Variants in MEG3 observed in about 807,000 individuals in gnomAD.
MEG3 encodes the protein Very putative protein from MEG3 locus.
Position 100,839,332 on chromosome 14 carries a change from G to C in MEG3, n.3045+3032G>C, listed in dbSNP as rs569920249. Among the ~76,000 whole-genome samples, 364 of 152,312 alleles carry C rather than the reference G, an allele frequency of 2.4e-3. 2 individuals are homozygous for C. Among genetic ancestry groups the C allele is most frequent in the South Asian group, 8.3e-3 (40 of 4,826 alleles). The stretch of plus-strand genomic sequence containing the variant: ...GAGTTGTGAAGTGTCCCAAGGACTG[G>C]TTCCCCCTCCCTGCTGTTTCTCTGA... On this transcript the variant is annotated intron_variant and non_coding_transcript_variant, in intron 2 of 3. Coordinates refer to the MEG3 transcript ENST00000398461.
chr14:100,835,999 C>G, intron 1 of MEG3: 1 of 344,294 alleles, frequency 2.9e-6, no homozygotes, highest in Non-Finnish European at 5.6e-6. Context: ...TAACCCAGCC[C>G]GTTGCTGCTT....
At position 100,837,706 on chromosome 14, in the gene MEG3, C is replaced by T. The variant is rs1187599707; in HGVS notation, n.3045+1406C>T. ...GAGTGTCTCTGGTTTCCGACGCAGC[C>T]TCGTAATGCTCTTTAATCAAACAGA... is the stretch of plus-strand genomic sequence containing the variant. On this transcript the variant is annotated intron_variant and non_coding_transcript_variant, in intron 2 of 3. Transcript: ENST00000398461. The surrounding 1 kb of genome is among the most constrained non-coding windows in gnomAD (Gnocchi z 5.8). 6.6e-6 allele frequency among the ~76,000 whole-genome samples: 1 copy of T among 150,608 alleles called. No homozygotes were observed. Among genetic ancestry groups the T allele is most frequent in the Non-Finnish European group, 1.5e-5 (1 of 67,864 alleles).
At chr14:100,860,440 G>T in intron 1 of MEG3, 1 of 356,516 alleles carries the variant, frequency 2.8e-6, no homozygotes, top group South Asian at 2.1e-5. Flanking sequence ...CTAGAGTGAT[G>T]CTTCCAGAAG....
exon 2 of MEG3, chr14:100,860,853 G>A: frequency 2.7e-6 from 1 of 365,720 alleles, no homozygotes; most frequent in Non-Finnish European, 5.4e-6. Context: ...CCACCCCGCA[G>A]GAACCCTGAG....
intron 2 of MEG3, among the ~76,000 whole-genome samples, chr14:100,843,693 G>A (rs2037826319): frequency 6.6e-6 from 1 of 152,138 alleles, no homozygotes; most frequent in Non-Finnish European, 1.5e-5. Context: ...GAATAGAGAG[G>A]CAGAGGCAGC....
At chr14:100,836,579 C>T (rs554126090) in intron 2 of MEG3, among the ~76,000 whole-genome samples, 5 of 152,086 alleles carry the variant, frequency 3.3e-5, no homozygotes, top group African/African-American at 7.2e-5. Flanking sequence ...TCTAGACCCC[C>T]GAGAGCGGCT....
At chr14:100,854,962 G>C (rs963127554), upstream of MEG3, 1 of 152,644 alleles carries the variant, frequency 6.6e-6, no homozygotes. Context: ...CTAAGGAGCG[G>C]AATAAAGGGC....
chr14:100,840,697 G>T (rs1388197061), intron 2 of MEG3, among the ~76,000 whole-genome samples: 4 of 152,208 alleles, frequency 2.6e-5, no homozygotes, highest in Non-Finnish European at 4.4e-5. Context: ...TCTAGGGCTT[G>T]ATTTTGAAAG....
At chr14:100,844,319 C>T (rs558909844) in intron 2 of MEG3, among the ~76,000 whole-genome samples, 64 of 152,334 alleles carry the variant, frequency 4.2e-4, no homozygotes, top group African/African-American at 1.2e-3. Context: ...GCCCTGTCCT[C>T]CTGGCCCAGC....
At chr14:100,847,671 G>A (rs527628042) in intron 3 of MEG3, 1 of 152,328 alleles carries the variant, frequency 6.6e-6, no homozygotes, top group African/African-American at 2.4e-5. Context: ...AGGATGAGGT[G>A]AATGAGAAGA....
chr14:100,830,048 C>T (rs1380660887), downstream of MEG3: 2 of 152,184 alleles, frequency 1.3e-5, no homozygotes, highest in East Asian at 3.8e-4. Flanking sequence ...AGTATTTGGT[C>T]ACATTGCTGG....
exon 2 of MEG3, chr14:100,860,995 C>T (rs2038389776): frequency 3.8e-6 from 1 of 260,466 alleles, no homozygotes; most frequent in African/African-American, 2.3e-5. Flanking sequence ...CCACTGTGCT[C>T]TCAATAAATG....
At chr14:100,849,946 A>G (rs2038019358) in intron 3 of MEG3, 1 of 152,138 alleles carries the variant, frequency 6.6e-6, no homozygotes, top group African/African-American at 2.4e-5. Context: ...ATAGAGAGAC[A>G]TACCTGGCTC....
At chr14:100,834,669 C>T (rs2037503449) in exon 1 of MEG3, 7 of 456,442 alleles carry the variant, frequency 1.5e-5, no homozygotes, top group Admixed American at 1.4e-4. Context: ...CTTGACCAGC[C>T]CCGTGTCTCC....
chr14:100,841,851 G>C (rs1244698369), intron 2 of MEG3, among the ~76,000 whole-genome samples: 1 of 152,220 alleles, frequency 6.6e-6, no homozygotes, highest in African/African-American at 2.4e-5. Flanking sequence ...AGAACCAGGA[G>C]ATGTTCGTTC....
At chr14:100,848,039 G>A (rs1383921416) in intron 3 of MEG3, 1 of 152,144 alleles carries the variant, frequency 6.6e-6, no homozygotes. Context: ...GCCACTCCAT[G>A]GCAATGAGCT....
chr14:100,827,348 G>C (rs973273391), intron 1 of MEG3: 3 of 151,882 alleles, frequency 2.0e-5, no homozygotes, highest in Non-Finnish European at 4.4e-5. Flanking sequence ...GGGGTGGGGA[G>C]GGGAGGTGGC....
At chr14:100,827,750 A>G (rs959077362) in intron 1 of MEG3, among the ~76,000 whole-genome samples, 3 of 152,054 alleles carry the variant, frequency 2.0e-5, no homozygotes, top group Non-Finnish European at 4.4e-5. Flanking sequence ...CCTTTGCGTT[A>G]CTTTCCAGCG....
chr14:100,852,734 G>T, upstream of MEG3: 1 of 240,082 alleles, frequency 4.2e-6, no homozygotes. Flanking sequence ...CAGAAGGCGG[G>T]GAAGGGAGGG....
Sources: allele counts gnomAD v4.1 joint callset (sites outside exome capture counted in the v4.1 genomes callset), GRCh38; gene constraint gnomAD v4.1.1; non-coding constraint Gnocchi (gnomAD v3.1); transcripts MANE v1.5; gene names NCBI Gene and HGNC (gene_info 2026-07-23, HGNC 2026-07-21).